BZW2: variants seen among roughly 807,000 people sequenced by gnomAD.
BZW2 encodes the protein basic leucine zipper and W2 domains 2, also known as eIF5-mimic protein 1.
In BZW2, 23 loss-of-function variants were observed where a neutral mutation model predicts 53.2. The ratio of observed to expected loss-of-function variants is 0.43; its 90% confidence interval spans 0.31 to 0.61. The LOEUF (loss-of-function observed/expected upper bound fraction) is 0.61. BZW2 is among the 20% of genes least tolerant of loss of function. BZW2 has a pLI of 0.09. For missense variants in BZW2, 409 were observed against 503.1 expected (o/e 0.81, Z 1.79); for synonymous variants, 227 against 186.4 (o/e 1.22, Z -1.77).
In BZW2 at chr7:16,656,544, AGC is replaced by A. The variant is rs201292049; in HGVS notation, c.-7-8882_-7-8881del. On this transcript the variant is annotated intron_variant, in intron 1 of 11. Coordinates refer to ENST00000258761, the MANE Select transcript of BZW2 (RefSeq NM_014038.3). Reference sequence around the variant, plus strand: ...TCCTGTTGATCATCAAGCACTCCCCAGCGCGCGCGCGCACACACACACACACA... The same window carrying A: ...TCCTGTTGATCATCAAGCACTCCCCAGCGCGCGCGCACACACACACACACA... Among the ~76,000 whole-genome samples, 91 of 113,926 alleles carry A rather than the reference AGC, an allele frequency of 8.0e-4. 1 individual carries two copies. In the East Asian group the frequency reaches 0.011, roughly 14 times the overall value. 74.7% of individuals were successfully genotyped at this position (113,926 alleles called of 152,430 possible). A position where few individuals can be genotyped will look rare whatever the true frequency, so the allele number is the denominator to read the frequency against.
At chr7:16,679,999 CCA>C (rs1583727922) in intron 3 of BZW2, among the ~76,000 whole-genome samples, 1 of 151,958 alleles carries the variant, frequency 6.6e-6, no homozygotes, top group East Asian at 1.9e-4. Flanking sequence ...TCTATTGAGT[CCA>C]TGGGGAAAAA....
intron 1 of BZW2, among the ~76,000 whole-genome samples, chr7:16,665,208 A>G (rs1186425808): frequency 6.6e-6 from 1 of 151,964 alleles, no homozygotes; most frequent in Non-Finnish European, 1.5e-5. Flanking sequence ...CAGGAGGCTG[A>G]GGCAGGATAA....
chr7:16,695,718 T>C (rs1483685694), intron 8 of BZW2, among the ~76,000 whole-genome samples: 1 of 152,162 alleles, frequency 6.6e-6, no homozygotes, highest in African/African-American at 2.4e-5. Context: ...CCTTTCTTTT[T>C]TTCCACGTGC....
At chr7:16,674,222 G>A (rs1782697547) in intron 2 of BZW2, among the ~76,000 whole-genome samples, 190 bp from the exon 3 acceptor site, 2 of 152,072 alleles carry the variant, frequency 1.3e-5, no homozygotes, top group South Asian at 2.1e-4. Context: ...TTTTAAAAGA[G>A]ACATCCCTTC....
intron 1 of BZW2, among the ~76,000 whole-genome samples, chr7:16,654,645 A>G (rs540414148): frequency 6.7e-6 from 1 of 150,108 alleles, no homozygotes; most frequent in Non-Finnish European, 1.5e-5. Context: ...AGTGATTCTC[A>G]TGCCTCAGCC....
chr7:16,696,953 T>C lies in BZW2; in HGVS notation c.861T>C (p.Asp287=). 2 of 1,614,138 alleles carry C rather than the reference T, an allele frequency of 1.2e-6. No individual in the cohort carries two copies. Among genetic ancestry groups the C allele is most frequent in the Non-Finnish European group, 1.7e-6 (2 of 1,179,992 alleles). ...TCAAAGAAGAAATGAAGAGGAATGA[T>C]CTTCCAGAAACAGCAGTGATTGGTC... ...LYVKEEMKRN[D]LPETAVIGLL... The change falls in exon 9 of 12, where the codon GAT becomes GAC. Residue 287 remains aspartate (D), a synonymous_variant. Coordinates refer to ENST00000258761, the MANE Select transcript of BZW2 (RefSeq NM_014038.3).
chr7:16,676,464 C>G (rs1196586971), intron 3 of BZW2, among the ~76,000 whole-genome samples: 1 of 152,086 alleles, frequency 6.6e-6, no homozygotes, highest in Non-Finnish European at 1.5e-5. Flanking sequence ...AGGAGAATCT[C>G]TTGAATCCAG....
intron 1 of BZW2, among the ~76,000 whole-genome samples, chr7:16,656,565 A>ATG (rs1562475751): frequency 7.3e-6 from 1 of 137,456 alleles, no homozygotes; most frequent in Non-Finnish European, 1.5e-5. Flanking sequence ...GCACACACAC[A>ATG]CACACACACA....
intron 3 of BZW2, among the ~76,000 whole-genome samples, chr7:16,680,247 G>A (rs186990068): frequency 7.6e-4 from 116 of 152,308 alleles, no homozygotes; most frequent in Middle Eastern, 3.4e-3. Flanking sequence ...CTTGCAAAAT[G>A]TTAGCAAGCC....
chr7:16,684,047 A>G (rs1443840262), intron 5 of BZW2, among the ~76,000 whole-genome samples: 1 of 152,258 alleles, frequency 6.6e-6, no homozygotes, highest in African/African-American at 2.4e-5. Flanking sequence ...ATGTCACCAC[A>G]GTATTGAAAA....
chr7:16,696,959 A>G lies in BZW2; in HGVS notation c.867A>G (p.Pro289=), dbSNP rs756194749. 2.7e-5 allele frequency: 44 copies of G among 1,614,044 alleles called. No homozygotes were observed. Among genetic ancestry groups the G allele is most frequent in the Non-Finnish European group, 3.7e-5 (44 of 1,179,994 alleles). Residue 289 remains proline, a synonymous_variant, in exon 9 of 12, where the codon CCA becomes CCG. Coordinates refer to ENST00000258761, the MANE Select transcript of BZW2 (RefSeq NM_014038.3). The part of the protein sequence containing the change: ...VKEEMKRNDL[P]ETAVIGLLWT... ...AAGAAATGAAGAGGAATGATCTTCCAGAAACAGCAGTGATTGGTCTTCTGT... is the reference window on the plus strand; with the variant it reads ...AAGAAATGAAGAGGAATGATCTTCCGGAAACAGCAGTGATTGGTCTTCTGT...
rs190703964 is a variant in BZW2 at position 16,647,200 on chromosome 7, G to A, written c.-8+912G>A. Among the ~76,000 whole-genome samples, 1,299 of 152,292 alleles carry A rather than the reference G, an allele frequency of 8.5e-3. 7 individuals are homozygous for A. Among genetic ancestry groups the A allele is most frequent in the Non-Finnish European group, 0.015 (1,013 of 68,020 alleles). ...ATTTATATTTACATCATCAATGAAA[G>A]TTTCTTTGGAAATTAGTGTTTATGT... On this transcript the variant is annotated intron_variant, in intron 1 of 11. Transcript: ENST00000258761.
chr7:16,682,320 A>G (rs1036345716), intron 4 of BZW2, among the ~76,000 whole-genome samples: 1 of 152,226 alleles, frequency 6.6e-6, no homozygotes, highest in Non-Finnish European at 1.5e-5. Context: ...TGTAGGGGCC[A>G]GTCATCCTTT....
At chr7:16,697,167 G>A (rs1353729960) in intron 9 of BZW2, 106 bp downstream of exon 9, 2 of 1,342,234 alleles carry the variant, frequency 1.5e-6, no homozygotes, top group East Asian at 5.2e-5. Context: ...TGCGCTCACT[G>A]CAACTTTGAA....
intron 1 of BZW2, among the ~76,000 whole-genome samples, chr7:16,657,213 A>G (rs1350069384): frequency 6.6e-6 from 1 of 152,220 alleles, no homozygotes; most frequent in Non-Finnish European, 1.5e-5. Context: ...TTTATTTTAC[A>G]GAAAATATAG....
At chr7:16,656,365 G>A (rs979451132) in intron 1 of BZW2, among the ~76,000 whole-genome samples, 10 of 152,010 alleles carry the variant, frequency 6.6e-5, no homozygotes, top group African/African-American at 2.2e-4. Flanking sequence ...TTTGTCTGGG[G>A]TACCACATGA....
At chr7:16,684,598 T>C (rs1783056585) in intron 5 of BZW2, among the ~76,000 whole-genome samples, 1 of 152,200 alleles carries the variant, frequency 6.6e-6, no homozygotes, top group African/African-American at 2.4e-5. Context: ...ATTATTCTCG[T>C]TTAAATGTTA....
rs376412401 is a variant in BZW2, at chr7:16,656,555, GCACACACACACACACA to G, written c.-7-8855_-7-8840del. Among the ~76,000 whole-genome samples the G allele has an allele frequency of 1.0e-3, 147 of 141,300 alleles. 1 individual carries two copies. Among genetic ancestry groups the G allele is most frequent in the African/African-American group, 3.4e-3 (129 of 37,878 alleles). The allele number at this position is 141,300 out of a possible 152,430, so 92.7% of individuals were successfully genotyped here. A position where few individuals can be genotyped will look rare whatever the true frequency, so the allele number is the denominator to read the frequency against. On this transcript the variant is annotated intron_variant, in intron 1 of 11. Transcript: ENST00000258761. Reference sequence around the variant, plus strand: ...ATCAAGCACTCCCCAGCGCGCGCGCGCACACACACACACACACACACACACACACACACACACACAC... The same window carrying G: ...ATCAAGCACTCCCCAGCGCGCGCGCGCACACACACACACACACACACACAC...
At chr7:16,655,559 G>C (rs1583699822) in intron 1 of BZW2, among the ~76,000 whole-genome samples, 1 of 152,036 alleles carries the variant, frequency 6.6e-6, no homozygotes, top group Admixed American at 6.6e-5. Flanking sequence ...CTCTTTTGTA[G>C]TATATGATAC....
Sources: gnomAD v4.1 joint callset for allele counts (sites outside exome capture counted in the v4.1 genomes callset) on GRCh38, gnomAD v4.1.1 for gene constraint, MANE v1.5 for transcripts, NCBI Gene and HGNC (gene_info 2026-07-23, HGNC 2026-07-21) for gene names.